The following AP1G1 variants were observed in gnomAD, a reference collection of about 807,000 sequenced individuals.
AP1G1 encodes the protein AP-1 complex subunit gamma-1.
Under a neutral mutation model 108.3 loss-of-function variants are expected in AP1G1, and 7 were observed. The ratio of observed to expected loss-of-function variants is 0.06; its 90% CI spans 0.04 to 0.12. The LOEUF (loss-of-function observed/expected upper bound fraction) is 0.12. AP1G1 is among the 10% of genes least tolerant of loss of function. The probability of loss-of-function intolerance (pLI) is 1.00; values close to 1 mark genes in which losing one functional copy is unlikely to be tolerated. For missense variants in AP1G1, 756 were observed against 1,010.7 expected (o/e 0.75, Z 3.42); for synonymous variants, 379 against 353.5 (o/e 1.07, Z -0.81).
intron 1 of AP1G1, among the ~76,000 whole-genome samples, chr16:71,800,888 G>C (rs544088985): frequency 1.3e-5 from 2 of 152,086 alleles, no homozygotes; most frequent in Non-Finnish European, 2.9e-5. Flanking sequence ...CCAACTACTC[G>C]GGAGGCTGAG....
chr16:71,787,138 G>A (rs928597747), intron 2 of AP1G1, among the ~76,000 whole-genome samples: 7 of 151,946 alleles, frequency 4.6e-5, no homozygotes, highest in African/African-American at 1.4e-4. Flanking sequence ...GGCCAATATG[G>A]TAACATTCCG....
At chr16:71,778,121 A>T (rs1424193768) in intron 2 of AP1G1, among the ~76,000 whole-genome samples, 1 of 152,240 alleles carries the variant, frequency 6.6e-6, no homozygotes, top group African/African-American at 2.4e-5. Context: ...AACAACAACA[A>T]AAAAACCTTA....
At chr16:71,786,625 T>C in intron 2 of AP1G1, among the ~76,000 whole-genome samples, 1 of 152,144 alleles carries the variant, frequency 6.6e-6, no homozygotes, top group Non-Finnish European at 1.5e-5. Flanking sequence ...CATGCCCAGC[T>C]AATTTTTGTA....
At chr16:71,768,105 C>G (rs2031389527) in intron 6 of AP1G1, among the ~76,000 whole-genome samples, 1 of 142,530 alleles carries the variant, frequency 7.0e-6, no homozygotes. Context: ...AAAAGAAGTT[C>G]AATGCATGTA....
rs766154858 is a variant in AP1G1, at chr16:71,729,607, T to C, written c.*3451A>G. Reference sequence around the variant, plus strand: ...TCACTGATATTGCTTGAAAAAGTTATTCACTTCCAGTTCTACAAGCAGCCC... The same window carrying C: ...TCACTGATATTGCTTGAAAAAGTTACTCACTTCCAGTTCTACAAGCAGCCC... On this transcript the variant is annotated 3_prime_UTR_variant, in exon 23 of 23. Transcript: ENST00000299980. The C allele has an allele frequency of 1.2e-4, 19 of 152,564 alleles. No homozygotes were observed. Among genetic ancestry groups the C allele is most frequent in the Admixed American group, 5.2e-4 (8 of 15,272 alleles). 9.5% of individuals were successfully genotyped at this position (152,564 alleles called of 1,614,324 possible).
rs1344311496 is a variant in AP1G1, at chr16:71,731,961, G to T, written c.*1097C>A. 6.6e-6 allele frequency: 1 copy of T among 152,634 alleles called. No individual in the cohort carries two copies. Among genetic ancestry groups the T allele is most frequent in the Non-Finnish European group, 1.5e-5 (1 of 68,036 alleles). 9.5% of individuals were successfully genotyped at this position (152,634 alleles called of 1,614,324 possible). A position where few individuals can be genotyped will look rare whatever the true frequency, so the allele number is the denominator to read the frequency against. The stretch of plus-strand genomic sequence containing the variant: ...GTTCCAGTTAGAAGGAATTCAAACG[G>T]AATGCCAAGGTCCAAGCCAGGCTCA... On this transcript the variant is annotated 3_prime_UTR_variant, in exon 23 of 23. Coordinates refer to ENST00000299980, the MANE Select transcript of AP1G1 (RefSeq NM_001128.6).
intron 2 of AP1G1, among the ~76,000 whole-genome samples, chr16:71,782,814 A>C (rs1329471854): frequency 6.6e-6 from 1 of 152,124 alleles, no homozygotes; most frequent in Non-Finnish European, 1.5e-5. Context: ...TACTCAAATT[A>C]TCTCTTTTGG....
chr16:71,807,054 C>T (rs2033018610), intron 1 of AP1G1, among the ~76,000 whole-genome samples: 1 of 152,112 alleles, frequency 6.6e-6, no homozygotes, highest in Non-Finnish European at 1.5e-5. Context: ...ATGTGAAAAC[C>T]CAGGCTGAGA....
chr16:71,763,156 T>C (rs375832456), intron 9 of AP1G1, among the ~76,000 whole-genome samples: 6 of 151,610 alleles, frequency 4.0e-5, no homozygotes, highest in African/African-American at 1.2e-4. Context: ...AGGCCAGGAG[T>C]TCAAGATCAG....
rs1028530877 is a variant in AP1G1 at position 71,807,917 on chromosome 16, A to G, written c.-4+846T>C. 16 of 1,279,876 alleles carry G rather than the reference A, an allele frequency of 1.3e-5. No individual in the cohort carries two copies. In the Admixed American group the frequency reaches 3.3e-4, roughly 27 times the overall value. 79.3% of individuals were successfully genotyped at this position (1,279,876 alleles called of 1,614,324 possible). On this transcript the variant is annotated intron_variant, in intron 1 of 22. Transcript: ENST00000299980. ...CACCAAAAAGCTAAGTATTCAGCACAGGGAGGGAATCCACATATGAGAAAA... is the reference window on the plus strand; with the variant it reads ...CACCAAAAAGCTAAGTATTCAGCACGGGGAGGGAATCCACATATGAGAAAA...
At chr16:71,750,382 T>C (rs1226918389) in intron 13 of AP1G1, 50 bp from the exon 14 acceptor site, 4 of 1,600,468 alleles carry the variant, frequency 2.5e-6, no homozygotes, top group Admixed American at 3.4e-5. Context: ...GAAATGATGA[T>C]AACAAGTGTT....
At chr16:71,796,165 G>C (rs1339144671) in intron 1 of AP1G1, among the ~76,000 whole-genome samples, 1 of 152,178 alleles carries the variant, frequency 6.6e-6, no homozygotes, top group African/African-American at 2.4e-5. Flanking sequence ...CTTGAGCCAA[G>C]GGGACTTGGG....
intron 1 of AP1G1, among the ~76,000 whole-genome samples, chr16:71,804,485 T>G (rs1379447987): frequency 6.7e-6 from 1 of 148,970 alleles, no homozygotes; most frequent in Non-Finnish European, 1.5e-5. Flanking sequence ...CTCAGCTCAC[T>G]GCAACCTCCA....
chr16:71,765,112 G>C (rs571521395), intron 7 of AP1G1, among the ~76,000 whole-genome samples: 16 of 152,284 alleles, frequency 1.1e-4, no homozygotes, highest in Middle Eastern at 3.4e-3. Flanking sequence ...AGGCTGAGGG[G>C]GGCGGGCTAC....
At chr16:71,804,893 A>T (rs1567667598) in intron 1 of AP1G1, among the ~76,000 whole-genome samples, 1 of 152,116 alleles carries the variant, frequency 6.6e-6, no homozygotes, top group Non-Finnish European at 1.5e-5. Context: ...CTACAGTCCC[A>T]GCTACTTAGG....
intron 15 of AP1G1, 87 bp from the exon 16 acceptor site, chr16:71,748,465 CAGA>C (rs1482087455): frequency 4.9e-6 from 7 of 1,429,920 alleles, no homozygotes; most frequent in Non-Finnish European, 6.6e-6. Flanking sequence ...GGGAAGCAGC[CAGA>C]AAGACAATCC....
chr16:71,793,411 T>C (rs1278735823), intron 1 of AP1G1, among the ~76,000 whole-genome samples: 3 of 151,892 alleles, frequency 2.0e-5, no homozygotes, highest in African/African-American at 7.3e-5. Flanking sequence ...CAGAAAACTG[T>C]AAGGGAAAGA....
chr16:71,791,292 G>A (rs868577494), intron 1 of AP1G1, among the ~76,000 whole-genome samples: 6 of 149,866 alleles, frequency 4.0e-5, no homozygotes, highest in Admixed American at 2.0e-4. Context: ...TAAACCAGAA[G>A]AGTCAATTTT....
intron 4 of AP1G1, among the ~76,000 whole-genome samples, chr16:71,772,791 ATTCTC>A (rs1427083802): frequency 7.9e-5 from 12 of 152,198 alleles, no homozygotes; most frequent in South Asian, 2.1e-4. Context: ...TAGAAGAATA[ATTCTC>A]TTCTATTACT....
Sources: gnomAD v4.1 joint callset for allele counts (sites outside exome capture counted in the v4.1 genomes callset) on GRCh38, gnomAD v4.1.1 for gene constraint, MANE v1.5 for transcripts, NCBI Gene and HGNC (gene_info 2026-07-23, HGNC 2026-07-21) for gene names.